Variants in SAMSN1 observed in about 807,000 individuals in gnomAD.
SAMSN1 encodes SAM domain-containing protein SAMSN-1.
In SAMSN1, 31 loss-of-function variants were observed where a neutral mutation model predicts 42.0. The observed-to-expected ratio is 0.74, with a 90% confidence interval of 0.55 to 1.00. SAMSN1 has a LOEUF of 1.00. SAMSN1 is among the 50% of genes least tolerant of loss of function. SAMSN1 has a pLI of 0.00. For missense variants in SAMSN1, 464 were observed against 439.4 expected, an observed-to-expected ratio of 1.06 and a Z score of -0.50; for synonymous variants, 178 against 151.9, an observed-to-expected ratio of 1.17 and a Z score of -1.26.
intron 2 of SAMSN1, among the ~76,000 whole-genome samples, chr21:14,560,145 T>C (rs1216933852): frequency 1.3e-5 from 2 of 152,132 alleles, no homozygotes; most frequent in East Asian, 3.9e-4. Context: ...AGAGGGTAAA[T>C]TGTTAATTTG....
At chr21:14,509,863 G>A (rs1987600105) in intron 5 of SAMSN1, among the ~76,000 whole-genome samples, 1 of 152,226 alleles carries the variant, frequency 6.6e-6, no homozygotes, top group Non-Finnish European at 1.5e-5. Context: ...CACTGGGCCA[G>A]GCGTGGTGGC....
chr21:14,586,673 G>A (rs183525862), upstream of SAMSN1, among the ~76,000 whole-genome samples: 27 of 152,310 alleles, frequency 1.8e-4, no homozygotes, highest in African/African-American at 6.0e-4. Context: ...AGGGTGATTA[G>A]TGAGGATGCA....
intron 2 of SAMSN1, among the ~76,000 whole-genome samples, chr21:14,628,809 C>T (rs568168417): frequency 2.6e-5 from 4 of 152,108 alleles, no homozygotes; most frequent in Non-Finnish European, 5.9e-5. Flanking sequence ...AGAATAATAA[C>T]GGTGGAATAC....
At chr21:14,603,571 T>C (rs1267305345) in intron 5 of SAMSN1, among the ~76,000 whole-genome samples, 4 of 152,082 alleles carry the variant, frequency 2.6e-5, no homozygotes, top group Non-Finnish European at 5.9e-5. Context: ...AAACGGAACA[T>C]GTTTAATTAA....
rs28508317 is a variant in SAMSN1, at chr21:14,629,836, G to A, written c.156+13166C>T. On this transcript the variant is annotated intron_variant, in intron 2 of 15. Transcript: ENST00000647101. ...TGGCAAAACAGGTTACCTAGGGGAT[G>A]GTTATTTGCATTATAAAAGATTCCT... Among the ~76,000 whole-genome samples the A allele has an allele frequency of 9.3e-3, 1,413 of 152,080 alleles. 27 individuals are homozygous for A. Among genetic ancestry groups the A allele is most frequent in the African/African-American group, 0.033 (1,353 of 41,486 alleles).
intron 1 of SAMSN1, among the ~76,000 whole-genome samples, chr21:14,528,924 C>T (rs1165277807): frequency 6.6e-6 from 1 of 152,152 alleles, no homozygotes; most frequent in Non-Finnish European, 1.5e-5. Flanking sequence ...TAAACACAAT[C>T]CCCCTCTGAG....
At chr21:14,635,179 T>C (rs536167535) in intron 2 of SAMSN1, among the ~76,000 whole-genome samples, 148 of 152,084 alleles carry the variant, frequency 9.7e-4, no homozygotes, top group African/African-American at 3.4e-3. Flanking sequence ...CAGGGACTGT[T>C]AGGGGGCAAT....
At chr21:14,513,360 A>G (rs1163862791) in intron 3 of SAMSN1, among the ~76,000 whole-genome samples, 16 of 152,318 alleles carry the variant, frequency 1.1e-4, no homozygotes, top group South Asian at 6.2e-4. Context: ...ACTTTTATCC[A>G]TTTCTTTTTT....
In SAMSN1 at chr21:14,611,653, C is replaced by A. The variant is rs1051362736; in HGVS notation, c.235+1223G>T. On this transcript the variant is annotated intron_variant, in intron 4 of 15. Coordinates refer to the SAMSN1 transcript ENST00000647101. ...CTTTTATTTAAGACTGTGCACTATT[C>A]AAATTAGGGCTGATATTCAAAATAT... Among the ~76,000 whole-genome samples the A allele has an allele frequency of 2.0e-5, 3 of 152,124 alleles. No homozygotes were observed. The South Asian group carries it at 6.2e-4, about 32-fold the overall frequency.
intron 1 of SAMSN1, 41 bp from the exon 2 acceptor site, chr21:14,521,262 T>A (rs561940335): frequency 1.4e-6 from 2 of 1,400,996 alleles, no homozygotes; most frequent in Admixed American, 3.6e-5. Context: ...ACTTAGAATT[T>A]ATTTTCACTG....
Position 14,618,656 on chromosome 21 carries a change from A to ATG in SAMSN1, c.157-2642_157-2641dup, listed in dbSNP as rs3050614. On this transcript the variant is annotated intron_variant, in intron 2 of 15. Coordinates refer to the SAMSN1 transcript ENST00000647101. ...TTTATTTTTAGAACCACAGCTGTGT[A>ATG]TGTGTGTGTGTGTGTGTGTGTGTGT... is the stretch of plus-strand genomic sequence containing the variant. Among the ~76,000 whole-genome samples the ATG allele has an allele frequency of 5.0e-3, 749 of 149,150 alleles. 5 individuals carry two copies. Among genetic ancestry groups the ATG allele is most frequent in the South Asian group, 0.013 (63 of 4,710 alleles).
chr21:14,621,881 G>A (rs1299691733), intron 2 of SAMSN1, among the ~76,000 whole-genome samples: 2 of 152,184 alleles, frequency 1.3e-5, no homozygotes, highest in Admixed American at 6.5e-5. Flanking sequence ...CCCCAGTACG[G>A]GCAGACTGAC....
intron 1 of SAMSN1, among the ~76,000 whole-genome samples, chr21:14,644,924 G>C (rs770744744): frequency 6.6e-6 from 1 of 152,150 alleles, no homozygotes; most frequent in Non-Finnish European, 1.5e-5. Context: ...ACAGAGTGAG[G>C]CTCCTCTGTC....
intron 2 of SAMSN1, among the ~76,000 whole-genome samples, chr21:14,581,421 C>T (rs543631289): frequency 2.2e-4 from 26 of 120,752 alleles, no homozygotes; most frequent in Admixed American, 4.7e-4. Flanking sequence ...GGCAGTGGCG[C>T]GATCTCGGCT....
chr21:14,566,508 A>G (rs1451299840), intron 2 of SAMSN1, among the ~76,000 whole-genome samples: 1 of 152,014 alleles, frequency 6.6e-6, no homozygotes, highest in Non-Finnish European at 1.5e-5. Flanking sequence ...TTGGCCCATA[A>G]AAAAATCTAA....
upstream of SAMSN1, among the ~76,000 whole-genome samples, chr21:14,585,038 T>G (rs1981876530): frequency 6.6e-6 from 1 of 152,220 alleles, no homozygotes; most frequent in Non-Finnish European, 1.5e-5. Flanking sequence ...CCCTACCTTT[T>G]TGCATTAAAT....
At chr21:14,562,336 C>A (rs1024988710) in intron 2 of SAMSN1, among the ~76,000 whole-genome samples, 2 of 152,082 alleles carry the variant, frequency 1.3e-5, no homozygotes, top group African/African-American at 4.8e-5. Flanking sequence ...ATGAAACAGA[C>A]AAACAGAATG....
At chr21:14,582,222 C>T in exon 2 of SAMSN1, 1 of 1,550,846 alleles carries the variant, frequency 6.4e-7, no homozygotes, top group South Asian at 1.2e-5. Flanking sequence ...CAGGGTCCAA[C>T]TTGTGCTATT....
Position 14,565,710 on chromosome 21 carries a change from C to T in SAMSN1, c.261+16426G>A, listed in dbSNP as rs552783363. Among the ~76,000 whole-genome samples the T allele has an allele frequency of 3.3e-5, 5 of 152,236 alleles. 1 individual carries two copies. The East Asian group carries it at 7.7e-4, about 23-fold the overall frequency. ...AGAGTAGTGTGACTGCGGATGTCATCGATTCCAAATTTAAACTCAGGATTC... is the reference window on the plus strand; with the variant it reads ...AGAGTAGTGTGACTGCGGATGTCATTGATTCCAAATTTAAACTCAGGATTC... On this transcript the variant is annotated intron_variant, in intron 2 of 8. Transcript: ENST00000285670.
Sources: gnomAD v4.1 joint callset for allele counts (sites outside exome capture counted in the v4.1 genomes callset) on GRCh38, gnomAD v4.1.1 for gene constraint, MANE v1.5 for transcripts, NCBI Gene and HGNC (gene_info 2026-07-23, HGNC 2026-07-21) for gene names.